The following SORL1 variants were observed in gnomAD, a reference collection of about 807,000 sequenced individuals.
SORL1 encodes the protein sortilin related receptor 1.
In SORL1, 127 loss-of-function variants were observed where a neutral mutation model predicts 273.7. The observed-to-expected ratio is 0.46, with a 90% confidence interval of 0.40 to 0.54. SORL1 has a LOEUF of 0.54. SORL1 is among the 20% of genes least tolerant of loss of function. SORL1 has a pLI of 0.00. For synonymous variants in SORL1, 1,031 were observed against 1,067.4 expected, an observed-to-expected ratio of 0.97 and a Z score of 0.66; for missense variants, 2,494 against 2,846.1, an observed-to-expected ratio of 0.88 and a Z score of 2.81.
At chr11:121,534,838 T>C (rs1862246368) in intron 12 of SORL1, among the ~76,000 whole-genome samples, 1 of 152,222 alleles carries the variant, frequency 6.6e-6, no homozygotes, top group Non-Finnish European at 1.5e-5. Context: ...CCCTTCTAAG[T>C]TTGGCCTCCC....
At chr11:121,465,649 TC>T (rs1861071167) in intron 1 of SORL1, among the ~76,000 whole-genome samples, 1 of 152,198 alleles carries the variant, frequency 6.6e-6, no homozygotes, top group Non-Finnish European at 1.5e-5. Flanking sequence ...TGCCTCAGCT[TC>T]CCGAGTAGCT....
chr11:121,490,689 C>T (rs145147288), intron 5 of SORL1, among the ~76,000 whole-genome samples: 3,114 of 143,262 alleles, frequency 0.022, 52 homozygotes, highest in Middle Eastern at 0.038. Context: ...TGCAGTGAGC[C>T]GAGATCGCAT....
At position 121,596,685 on chromosome 11, in the gene SORL1, T is replaced by G. The variant is rs1863301180; in HGVS notation, c.4519+913T>G. ...CTCCCTTCCTTGCCAGGATAAGGGC[T>G]TCGTCCGTGCTTGCCTGATTCCTGT... On this transcript the variant is annotated intron_variant, in intron 32 of 47. Transcript: ENST00000260197. The surrounding 1 kb of genome is among the most constrained non-coding windows in gnomAD (Gnocchi z 4.3). Among the ~76,000 whole-genome samples the G allele has an allele frequency of 6.6e-6, 1 of 152,184 alleles. No individual in the cohort carries two copies. Among genetic ancestry groups the G allele is most frequent in the Non-Finnish European group, 1.5e-5 (1 of 68,020 alleles).
In SORL1 at chr11:121,627,248, TCAA is replaced by T; in HGVS notation, c.6365-306_6365-304del. The T allele has an allele frequency of 2.9e-6, 1 of 349,916 alleles. No individual in the cohort carries two copies. The highest frequency in any genetic ancestry group is 5.3e-6 in the Non-Finnish European group (1 of 188,994). 21.7% of individuals were successfully genotyped at this position (349,916 alleles called of 1,614,324 possible). ...GTCTTAAGTAATAATGCTAATGAAA[TCAA>T]TGTTGATACCCCAACAAAGGTCTCC... On this transcript the variant is annotated intron_variant, in intron 46 of 47. Transcript: ENST00000260197. The surrounding 1 kb of genome is among the most constrained non-coding windows in gnomAD (Gnocchi z 4.9).
At chr11:121,556,938 T>G (rs1336730714) in intron 18 of SORL1, 1 of 209,928 alleles carries the variant, frequency 4.8e-6, no homozygotes, top group East Asian at 1.3e-4. Flanking sequence ...TTTATGGGAG[T>G]GTGGAGTCAT....
chr11:121,462,699 C>A (rs1057175676), intron 1 of SORL1, among the ~76,000 whole-genome samples: 1 of 152,182 alleles, frequency 6.6e-6, no homozygotes, highest in African/African-American at 2.4e-5. Context: ...ATCCTCCCAC[C>A]TCAGACTCCC....
intron 11 of SORL1, among the ~76,000 whole-genome samples, chr11:121,526,015 C>A (rs1448581634): frequency 6.6e-6 from 1 of 152,184 alleles, no homozygotes; most frequent in Non-Finnish European, 1.5e-5. Flanking sequence ...GCAATGGAAT[C>A]AGAGCCTGTC....
Position 121,632,496 on chromosome 11 carries a change from C to T in SORL1, c.*2933C>T, listed in dbSNP as rs1056054600. 5 of 151,808 alleles carry T rather than the reference C, an allele frequency of 3.3e-5. No individual in the cohort carries two copies. The highest frequency in any genetic ancestry group is 1.2e-4 in the African/African-American group (5 of 41,308). 9.4% of individuals were successfully genotyped at this position (151,808 alleles called of 1,614,324 possible). A position where few individuals can be genotyped will look rare whatever the true frequency, so the allele number is the denominator to read the frequency against. ...AACTCTGACTTTTGGACAAGTAATT[C>T]CTGGGGTTCTGTCTTTGGTAGCATC... On this transcript the variant is annotated 3_prime_UTR_variant, in exon 48 of 48. Transcript: ENST00000260197.
intron 33 of SORL1, 94 bp downstream of exon 33, chr11:121,604,418 C>T: frequency 6.9e-7 from 1 of 1,444,794 alleles, no homozygotes; most frequent in East Asian, 2.4e-5. Flanking sequence ...AGCTAGGACC[C>T]TTTTGAACTG....
At chr11:121,489,543 ATG>A (rs1175316682) in intron 4 of SORL1, among the ~76,000 whole-genome samples, 2 of 152,194 alleles carry the variant, frequency 1.3e-5, no homozygotes, top group Non-Finnish European at 2.9e-5. Flanking sequence ...ATATTGTAGC[ATG>A]TGTCAATTTT....
At chr11:121,488,274 T>G in intron 4 of SORL1, 81 bp downstream of exon 4, 1 of 1,379,970 alleles carries the variant, frequency 7.2e-7, no homozygotes, top group South Asian at 1.3e-5. Flanking sequence ...GTCCTTTGAG[T>G]GACCTCGCCT....
chr11:121,585,885 C>A (rs186373452), intron 26 of SORL1, among the ~76,000 whole-genome samples: 4 of 152,258 alleles, frequency 2.6e-5, no homozygotes, highest in African/African-American at 9.6e-5. Flanking sequence ...TATTGATGGA[C>A]TGTTTTCAAT....
intron 6 of SORL1, among the ~76,000 whole-genome samples, chr11:121,511,363 C>T (rs796691794): frequency 2.6e-5 from 4 of 151,892 alleles, no homozygotes; most frequent in African/African-American, 9.6e-5. Context: ...AGTTGGAAGT[C>T]GTAAAAAACA....
intron 32 of SORL1, among the ~76,000 whole-genome samples, chr11:121,602,754 C>G (rs1296016622): frequency 6.6e-6 from 1 of 152,172 alleles, no homozygotes; most frequent in East Asian, 1.9e-4. Flanking sequence ...TGTACACTCT[C>G]TTTATTTCCT....
intron 44 of SORL1, among the ~76,000 whole-genome samples, chr11:121,621,661 G>A (rs1186929345): frequency 2.6e-5 from 4 of 152,238 alleles, no homozygotes; most frequent in African/African-American, 7.2e-5. Context: ...CAGCTGGGCA[G>A]TAGATCAAAG....
chr11:121,588,309 A>G (rs1360224529), intron 28 of SORL1, among the ~76,000 whole-genome samples, 158 bp downstream of exon 28: 1 of 152,064 alleles, frequency 6.6e-6, no homozygotes, highest in Non-Finnish European at 1.5e-5. Flanking sequence ...TTTAGCTTAC[A>G]TGTCTAGGTT....
At chr11:121,490,170 C>T in intron 5 of SORL1, 60 bp downstream of exon 5, 4 of 1,210,468 alleles carry the variant, frequency 3.3e-6, no homozygotes, top group Non-Finnish European at 4.9e-6. Flanking sequence ...AGTTCTAGCT[C>T]CTTCTTGGTG....
chr11:121,549,650 G>T (rs1487878515), intron 14 of SORL1, among the ~76,000 whole-genome samples: 1 of 148,500 alleles, frequency 6.7e-6, no homozygotes, highest in Non-Finnish European at 1.5e-5. Context: ...TTTTAACAGA[G>T]AGGGCAGGTC....
At chr11:121,477,412 C>A (rs1262144285) in intron 2 of SORL1, among the ~76,000 whole-genome samples, 3 of 152,218 alleles carry the variant, frequency 2.0e-5, no homozygotes, top group Non-Finnish European at 2.9e-5. Flanking sequence ...CAAAACAAAT[C>A]CTCCGTTCCA....
Sources: gnomAD v4.1 joint callset for allele counts (sites outside exome capture counted in the v4.1 genomes callset) on GRCh38, gnomAD v4.1.1 for gene constraint, Gnocchi (gnomAD v3.1) non-coding constraint, MANE v1.5 for transcripts, NCBI Gene and HGNC (gene_info 2026-07-23, HGNC 2026-07-21) for gene names.